ZZEF1: variants seen among roughly 807,000 people sequenced by gnomAD.
ZZEF1 encodes zinc finger ZZ-type and EF-hand domain containing 1.
In ZZEF1, 157 loss-of-function variants were observed where a neutral mutation model predicts 342.8. The observed-to-expected ratio is 0.46, with a 90% CI of 0.40 to 0.52. The LOEUF (loss-of-function observed/expected upper bound fraction) is 0.52. ZZEF1 is among the 20% of genes least tolerant of loss of function. The probability of loss-of-function intolerance (pLI) is 0.00; values close to 1 mark genes in which losing one functional copy is unlikely to be tolerated. For missense variants in ZZEF1, 3,480 were observed against 3,725.6 expected, an observed-to-expected ratio of 0.93 and a Z score of 1.72; for synonymous variants, 1,505 against 1,429.1, an observed-to-expected ratio of 1.05 and a Z score of -1.20.
At chr17:4,007,459 G>A (rs542905109) in intron 54 of ZZEF1, among the ~76,000 whole-genome samples, 2 of 152,274 alleles carry the variant, frequency 1.3e-5, no homozygotes, top group Admixed American at 1.3e-4. Context: ...GCAGGGAGAC[G>A]TGTCAGGGAG....
At chr17:4,142,182 C>T (rs974026038) in intron 1 of ZZEF1, among the ~76,000 whole-genome samples, 2 of 152,152 alleles carry the variant, frequency 1.3e-5, no homozygotes, top group African/African-American at 4.8e-5. Flanking sequence ...CAGGACAATA[C>T]AAAAAATGGT....
intron 26 of ZZEF1, among the ~76,000 whole-genome samples, chr17:4,067,860 CT>C (rs1398116301): frequency 1.3e-5 from 2 of 152,124 alleles, no homozygotes; most frequent in Admixed American, 1.3e-4. Context: ...AGGTAGATTG[CT>C]TGAGGCCAGG....
chr17:4,106,544 T>C (rs1296069702), intron 6 of ZZEF1, among the ~76,000 whole-genome samples: 1 of 152,036 alleles, frequency 6.6e-6, no homozygotes, highest in African/African-American at 2.4e-5. Context: ...TCTAAAGATG[T>C]GCCATGAATG....
At chr17:4,142,280 C>G (rs1054667753) in intron 1 of ZZEF1, among the ~76,000 whole-genome samples, 3 of 152,242 alleles carry the variant, frequency 2.0e-5, no homozygotes, top group African/African-American at 7.2e-5. Flanking sequence ...TAGCGTCAAT[C>G]AACTGCACAA....
Position 4,044,376 on chromosome 17 carries a change from T to TA in ZZEF1, c.6016-3dup. 3 of 1,601,262 alleles carry TA rather than the reference T, an allele frequency of 1.9e-6. No homozygotes were observed. Among genetic ancestry groups the TA allele is most frequent in the Admixed American group, 3.5e-5 (2 of 56,510 alleles). On this transcript the variant is annotated splice_region_variant and splice_polypyrimidine_tract_variant and intron_variant, in intron 37 of 54. Transcript: ENST00000381638. ...TTCCTCATGAACAGCTCTCTTTCCC[T>TA]AAAAAAACAAAAGTGTAAAAGAATT...
At chr17:4,036,809 ACACACACACTCT>A (rs1176861264) in intron 39 of ZZEF1, among the ~76,000 whole-genome samples, 49 of 91,456 alleles carry the variant, frequency 5.4e-4, no homozygotes, top group Admixed American at 4.0e-3. Flanking sequence ...ACACACACAC[ACACACACACTCT>A]CTCTCTCTCT....
At chr17:4,059,968 G>A (rs958539912) in intron 30 of ZZEF1, among the ~76,000 whole-genome samples, 10 of 152,216 alleles carry the variant, frequency 6.6e-5, no homozygotes, top group African/African-American at 9.7e-5. Context: ...GTCAGCCCAG[G>A]ACGCTGCCTC....
intron 21 of ZZEF1, chr17:4,076,358 C>T (rs2057620057): frequency 4.8e-6 from 1 of 208,488 alleles, no homozygotes; most frequent in Non-Finnish European, 1.0e-5. Flanking sequence ...TGGTCTCGAT[C>T]TCCTGACCTC....
chr17:4,132,782 C>T (rs1455013362), intron 1 of ZZEF1, among the ~76,000 whole-genome samples: 16 of 118,988 alleles, frequency 1.3e-4, no homozygotes, highest in Non-Finnish European at 1.6e-4. Context: ...CTGGCTAACA[C>T]GATGAAACCC....
intron 26 of ZZEF1, 43 bp from the exon 27 acceptor site, chr17:4,067,285 A>AATTC: frequency 2.0e-6 from 3 of 1,508,308 alleles, no homozygotes; most frequent in Non-Finnish European, 2.7e-6. Flanking sequence ...CAGGTAACAC[A>AATTC]ATTCACTACT....
intron 40 of ZZEF1, chr17:4,033,713 A>G: frequency 2.7e-6 from 1 of 364,514 alleles, no homozygotes; most frequent in Non-Finnish European, 5.0e-6. Flanking sequence ...ACGAAAACAG[A>G]TTTATTTGCT....
chr17:4,057,900 T>G, intron 32 of ZZEF1, 94 bp downstream of exon 32: 1 of 1,308,844 alleles, frequency 7.6e-7, no homozygotes, highest in Non-Finnish European at 1.1e-6. Context: ...ACAGACAGTC[T>G]AGCTCCGGAG....
chr17:4,056,096 G>T (rs1465842521), intron 33 of ZZEF1, 120 bp downstream of exon 33: 2 of 1,126,086 alleles, frequency 1.8e-6, no homozygotes, highest in Admixed American at 3.0e-5. Flanking sequence ...CCCTTCACTA[G>T]GGTATTGAAT....
intron 45 of ZZEF1, chr17:4,020,034 T>C: frequency 2.7e-6 from 1 of 372,556 alleles, no homozygotes; most frequent in Non-Finnish European, 4.8e-6. Context: ...AATACAATGC[T>C]GACAGTAGAT....
intron 51 of ZZEF1, 152 bp from the exon 52 acceptor site, chr17:4,013,766 G>T: frequency 2.0e-6 from 2 of 998,488 alleles, no homozygotes; most frequent in Non-Finnish European, 2.8e-6. Context: ...AATTCTGGCT[G>T]AAATTAAGGC....
At chr17:4,015,176 C>A (rs534291566) in intron 49 of ZZEF1, among the ~76,000 whole-genome samples, 1 of 152,162 alleles carries the variant, frequency 6.6e-6, no homozygotes. Context: ...CAGAGAAGGG[C>A]AACGGGTGTC....
At chr17:4,045,107 T>C (rs948873023) in intron 37 of ZZEF1, among the ~76,000 whole-genome samples, 7 of 152,138 alleles carry the variant, frequency 4.6e-5, no homozygotes, top group South Asian at 4.2e-4. Flanking sequence ...TGAGCCGAGA[T>C]TGCGCCACTG....
rs1398739162 is a variant in ZZEF1, at chr17:4,102,355, C to T, written c.1634G>A (p.Gly545Glu). 1.9e-6 allele frequency: 3 copies of T among 1,613,886 alleles called. No homozygotes were observed. In the Admixed American group the frequency reaches 5.0e-5, roughly 27 times the overall value. ...CDVKGKEDKS[G>E]PENLLVEPWT... ...CGGTTCAACAAGGAGGTTTTCGGGTCCAGACTTATCTTCTTTTCCTTTGAC... is the reference window on the plus strand; with the variant it reads ...CGGTTCAACAAGGAGGTTTTCGGGTTCAGACTTATCTTCTTTTCCTTTGAC... Residue 545 changes from glycine (G) to glutamate (E), a missense_variant, in exon 9 of 55, where the codon GGA becomes GAA. This residue lies in a region of ZZEF1 where 1,528 missense variants were observed against 1,624.1 expected (regional missense o/e 0.94). Coordinates refer to ENST00000381638, the MANE Select transcript of ZZEF1 (RefSeq NM_015113.4).
At chr17:4,078,436 T>G (rs778012714) in intron 18 of ZZEF1, among the ~76,000 whole-genome samples, 6 of 152,244 alleles carry the variant, frequency 3.9e-5, no homozygotes, top group Non-Finnish European at 5.9e-5. Context: ...ACCATCACCT[T>G]TGTTCTCAAA....
Sources: allele counts gnomAD v4.1 joint callset (sites outside exome capture counted in the v4.1 genomes callset), GRCh38; gene constraint gnomAD v4.1.1; regional missense constraint gnomAD v4.1.1; transcripts MANE v1.5; gene names NCBI Gene and HGNC (gene_info 2026-07-23, HGNC 2026-07-21).